SENP7: variants seen among roughly 807,000 people sequenced by gnomAD.
SENP7 encodes sentrin-specific protease 7.
SENP7 carries 64 observed loss-of-function variants against 141.2 expected under a neutral mutation model. The ratio of observed to expected loss-of-function variants is 0.45; its 90% CI spans 0.37 to 0.56. The LOEUF (loss-of-function observed/expected upper bound fraction) is 0.56, where lower values mean the gene tolerates loss of function less well. Ranked by LOEUF, SENP7 falls within the 20% of genes least tolerant of loss-of-function variation. SENP7 has a pLI of 0.00. For synonymous variants in SENP7, 382 were observed against 426.4 expected (o/e 0.90, Z 1.28); for missense variants, 1,025 against 1,212.2 (o/e 0.85, Z 2.29).
At chr3:101,364,078 A>G (rs1411365796) in intron 10 of SENP7, among the ~76,000 whole-genome samples, 2 of 152,080 alleles carry the variant, frequency 1.3e-5, no homozygotes, top group African/African-American at 2.4e-5. Context: ...TTTTAAAAAC[A>G]TTAGCCAGGC....
At chr3:101,344,055 C>T in intron 13 of SENP7, 101 bp from the exon 14 acceptor site, 1 of 842,844 alleles carries the variant, frequency 1.2e-6, no homozygotes, top group Non-Finnish European at 1.8e-6. Context: ...GGAATATAAC[C>T]CCAAGTATTT....
At chr3:101,402,887 T>C (rs2061192247) in intron 5 of SENP7, among the ~76,000 whole-genome samples, 1 of 152,194 alleles carries the variant, frequency 6.6e-6, no homozygotes, top group Non-Finnish European at 1.5e-5. Context: ...TAATAAAACA[T>C]CCATTCTATA....
intron 3 of SENP7, among the ~76,000 whole-genome samples, chr3:101,459,840 G>T (rs2063492721): frequency 6.6e-6 from 1 of 152,048 alleles, no homozygotes; most frequent in Non-Finnish European, 1.5e-5. Context: ...CAGAAAACTT[G>T]CAGGATATAA....
chr3:101,412,817 C>T (rs2061493253), intron 5 of SENP7, among the ~76,000 whole-genome samples: 1 of 152,006 alleles, frequency 6.6e-6, no homozygotes, highest in Non-Finnish European at 1.5e-5. Context: ...TAGATATGAA[C>T]CATACATGGA....
At chr3:101,326,116 C>A in intron 23 of SENP7, 36 bp from the exon 24 acceptor site, 1 of 1,474,440 alleles carries the variant, frequency 6.8e-7, no homozygotes, top group South Asian at 1.4e-5. Context: ...ATCACTTTAG[C>A]AGCATAATTT....
At chr3:101,366,402 G>A in intron 9 of SENP7, 28 bp downstream of exon 9, 2 of 1,460,008 alleles carry the variant, frequency 1.4e-6, no homozygotes, top group Non-Finnish European at 1.9e-6. Context: ...AGGAAATTAA[G>A]TAACTTTATA....
rs560224406 is a variant in SENP7 at position 101,396,129 on chromosome 3, A to T, written c.677+2732T>A. 1.6e-4 allele frequency among the ~76,000 whole-genome samples: 25 copies of T among 152,354 alleles called. No individual in the cohort carries two copies. In the South Asian group the frequency reaches 5.0e-3, roughly 30 times the overall value. On this transcript the variant is annotated intron_variant, in intron 6 of 23. Transcript: ENST00000394095. Reference sequence around the variant, plus strand: ...TGCTTATTCCAAATACATGAATCAAATAAAATTGTCACTAAGGGAATGAAT... The same window carrying T: ...TGCTTATTCCAAATACATGAATCAATTAAAATTGTCACTAAGGGAATGAAT...
chr3:101,331,888 G>C (rs879348443), intron 19 of SENP7, 97 bp downstream of exon 19: 2 of 1,213,948 alleles, frequency 1.6e-6, no homozygotes, highest in East Asian at 2.4e-5. Flanking sequence ...TTTAATGATA[G>C]TAAATAACTA....
intron 6 of SENP7, among the ~76,000 whole-genome samples, chr3:101,394,541 C>G (rs995685990): frequency 6.7e-6 from 1 of 149,570 alleles, no homozygotes; most frequent in South Asian, 2.1e-4. Context: ...GAGACGGAGT[C>G]TGGCTCTGTC....
At chr3:101,450,811 A>T (rs1313236195) in intron 4 of SENP7, among the ~76,000 whole-genome samples, 1 of 152,208 alleles carries the variant, frequency 6.6e-6, no homozygotes, top group Non-Finnish European at 1.5e-5. Flanking sequence ...GAACTAGAGA[A>T]GCAAGAGCAA....
rs1260611847 is a variant in SENP7 at position 101,328,550 on chromosome 3, T to C, written c.2796-4A>G. The C allele has an allele frequency of 2.5e-6, 4 of 1,612,110 alleles. No homozygotes were observed. Among genetic ancestry groups the C allele is most frequent in the South Asian group, 2.2e-5 (2 of 91,006 alleles). ...GTCTAGTATAAGAATACATGGCCTA[T>C]GAAAAGCAAAGGACAAAATCAAGAT... On this transcript the variant is annotated splice_region_variant and splice_polypyrimidine_tract_variant and intron_variant, in intron 21 of 23. Transcript: ENST00000394095.
At chr3:101,353,412 C>T (rs1462834186) in intron 11 of SENP7, among the ~76,000 whole-genome samples, 1 of 151,898 alleles carries the variant, frequency 6.6e-6, no homozygotes, top group Admixed American at 6.6e-5. Flanking sequence ...TCAAATGTTT[C>T]TACTTGGCAA....
chr3:101,356,540 G>A (rs749057535), intron 11 of SENP7, among the ~76,000 whole-genome samples: 2 of 152,086 alleles, frequency 1.3e-5, no homozygotes, highest in Non-Finnish European at 2.9e-5. Context: ...AACTTTAGTT[G>A]TAGATTAGTT....
chr3:101,368,076 C>T (rs1033001414), intron 7 of SENP7, 65 bp from the exon 8 acceptor site: 2 of 1,238,814 alleles, frequency 1.6e-6, no homozygotes, highest in African/African-American at 1.5e-5. Context: ...TTTAGAAAAG[C>T]TCGAAGTAAC....
chr3:101,442,738 A>G (rs915948585), intron 4 of SENP7, among the ~76,000 whole-genome samples: 2 of 152,238 alleles, frequency 1.3e-5, no homozygotes, highest in Non-Finnish European at 2.9e-5. Flanking sequence ...GCAATAGAAG[A>G]GTTCAATTAA....
chr3:101,342,993 T>C (rs538630453), intron 14 of SENP7, among the ~76,000 whole-genome samples: 63 of 152,246 alleles, frequency 4.1e-4, no homozygotes, highest in African/African-American at 1.3e-3. Context: ...AGAGTACTGG[T>C]CAATTATTTT....
chr3:101,393,413 G>A (rs887239015), intron 6 of SENP7, among the ~76,000 whole-genome samples: 2 of 152,074 alleles, frequency 1.3e-5, no homozygotes, highest in African/African-American at 2.4e-5. Context: ...CCTATAGATT[G>A]GGAGATAGTC....
chr3:101,499,057 A>G (rs181375423), intron 2 of SENP7, among the ~76,000 whole-genome samples: 4 of 152,298 alleles, frequency 2.6e-5, no homozygotes, highest in Admixed American at 2.0e-4. Flanking sequence ...CCGTAGTTAT[A>G]TAAGATAACA....
intron 3 of SENP7, among the ~76,000 whole-genome samples, chr3:101,472,473 G>A (rs915570805): frequency 3.0e-4 from 45 of 152,130 alleles, no homozygotes; most frequent in African/African-American, 5.8e-4. Context: ...GACACAGGGC[G>A]GGGAACATCA....
Sources: allele counts gnomAD v4.1 joint callset (sites outside exome capture counted in the v4.1 genomes callset), GRCh38; gene constraint gnomAD v4.1.1; transcripts MANE v1.5; gene names NCBI Gene and HGNC (gene_info 2026-07-23, HGNC 2026-07-21).